The following SCAMP1 variants were observed in gnomAD, a reference collection of about 807,000 sequenced individuals.
The protein encoded by SCAMP1 is secretory carrier-associated membrane protein 1.
SCAMP1 carries 15 observed loss-of-function variants against 41.8 expected under a neutral mutation model. The ratio of observed to expected loss-of-function variants is 0.36; its 90% CI spans 0.24 to 0.55. The LOEUF (loss-of-function observed/expected upper bound fraction) is 0.55. Ranked by LOEUF, SCAMP1 falls within the 20% of genes least tolerant of loss-of-function variation. The probability of loss-of-function intolerance (pLI) is 0.86; values close to 1 mark genes in which losing one functional copy is unlikely to be tolerated. For synonymous variants in SCAMP1, 135 were observed against 136.8 expected, an observed-to-expected ratio of 0.99 and a Z score of 0.09; for missense variants, 341 against 412.6, an observed-to-expected ratio of 0.83 and a Z score of 1.50.
intron 2 of SCAMP1, among the ~76,000 whole-genome samples, chr5:78,398,356 T>C (rs1287164341): frequency 2.8e-4 from 2 of 7,080 alleles, no homozygotes; most frequent in Admixed American, 4.0e-3. Context: ...GGTTCACCTC[T>C]TTTTTTTTTT....
At chr5:78,393,335 T>A (rs1751565904) in intron 2 of SCAMP1, among the ~76,000 whole-genome samples, 1 of 152,084 alleles carries the variant, frequency 6.6e-6, no homozygotes, top group African/African-American at 2.4e-5. Flanking sequence ...CTCTACCACA[T>A]GTGGCTAATT....
At chr5:78,407,882 G>A (rs1751973178) in intron 2 of SCAMP1, among the ~76,000 whole-genome samples, 1 of 152,058 alleles carries the variant, frequency 6.6e-6, no homozygotes, top group African/African-American at 2.4e-5. Flanking sequence ...ATAGTCTCTT[G>A]TTAGTCAAAC....
intron 6 of SCAMP1, among the ~76,000 whole-genome samples, chr5:78,449,617 T>C (rs1036952030): frequency 2.0e-5 from 3 of 152,212 alleles, no homozygotes; most frequent in African/African-American, 7.2e-5. Context: ...ATTGTAATTC[T>C]ATGATGCTGT....
intron 1 of SCAMP1, among the ~76,000 whole-genome samples, chr5:78,387,780 A>G (rs1258409033): frequency 6.6e-6 from 1 of 152,124 alleles, no homozygotes; most frequent in Non-Finnish European, 1.5e-5. Flanking sequence ...GTTACTGGGG[A>G]CTGTCTGCAA....
chr5:78,476,643 A>G lies in SCAMP1; in HGVS notation c.*975A>G, dbSNP rs1457772283. 2.0e-5 allele frequency: 3 copies of G among 152,508 alleles called. No individual in the cohort carries two copies. Among genetic ancestry groups the G allele is most frequent in the Non-Finnish European group, 2.9e-5 (2 of 67,974 alleles). 9.4% of individuals were successfully genotyped at this position (152,508 alleles called of 1,614,324 possible). A position where few individuals can be genotyped will look rare whatever the true frequency, so the allele number is the denominator to read the frequency against. ...TTAAAGGCTAGCCTAACTGTTGTCTAAAAAGATTGTACAGTATTTAAGGGA... is the reference window on the plus strand; with the variant it reads ...TTAAAGGCTAGCCTAACTGTTGTCTGAAAAGATTGTACAGTATTTAAGGGA... On this transcript the variant is annotated 3_prime_UTR_variant, in exon 9 of 9. Coordinates refer to ENST00000621999, the MANE Select transcript of SCAMP1 (RefSeq NM_004866.6).
At chr5:78,368,208 G>A (rs569270180) in intron 1 of SCAMP1, among the ~76,000 whole-genome samples, 6 of 152,188 alleles carry the variant, frequency 3.9e-5, no homozygotes, top group African/African-American at 1.2e-4. Flanking sequence ...TGCCATGGTC[G>A]GTATTCTTCA....
chr5:78,433,306 C>A (rs1019513709), intron 6 of SCAMP1, among the ~76,000 whole-genome samples: 1 of 151,818 alleles, frequency 6.6e-6, no homozygotes, highest in African/African-American at 2.4e-5. Flanking sequence ...CTCATAATTT[C>A]TTGTTAAAAA....
intron 7 of SCAMP1, among the ~76,000 whole-genome samples, chr5:78,458,708 C>T (rs895176563): frequency 2.6e-5 from 4 of 152,172 alleles, no homozygotes; most frequent in Non-Finnish European, 4.4e-5. Context: ...GGTGAAACCC[C>T]GTCTCTACTA....
intron 2 of SCAMP1, among the ~76,000 whole-genome samples, chr5:78,394,635 C>T (rs576333160): frequency 6.6e-6 from 1 of 152,268 alleles, no homozygotes; most frequent in East Asian, 1.9e-4. Context: ...ACTGCCAAAG[C>T]ATTCTGTATA....
At chr5:78,384,486 A>G (rs1751293844) in intron 1 of SCAMP1, among the ~76,000 whole-genome samples, 1 of 152,018 alleles carries the variant, frequency 6.6e-6, no homozygotes, top group African/African-American at 2.4e-5. Flanking sequence ...GACTTCCAGT[A>G]CGGTGTAGAA....
intron 6 of SCAMP1, among the ~76,000 whole-genome samples, chr5:78,423,412 C>T (rs1247810742): frequency 6.6e-6 from 1 of 152,104 alleles, no homozygotes; most frequent in Non-Finnish European, 1.5e-5. Context: ...GCTCACAAGG[C>T]TTTTTCTGTT....
At chr5:78,374,936 G>GA (rs1751029746) in intron 1 of SCAMP1, among the ~76,000 whole-genome samples, 1 of 152,048 alleles carries the variant, frequency 6.6e-6, no homozygotes, top group Non-Finnish European at 1.5e-5. Flanking sequence ...AAATACACTT[G>GA]TCTTAGAGTC....
At chr5:78,448,996 G>A (rs1397287312) in intron 6 of SCAMP1, among the ~76,000 whole-genome samples, 13 of 115,498 alleles carry the variant, frequency 1.1e-4, no homozygotes, top group African/African-American at 3.1e-4. Context: ...GCAAAACTCC[G>A]TCTCAAAAAA....
intron 1 of SCAMP1, among the ~76,000 whole-genome samples, chr5:78,368,354 CATATG>C (rs35225254): frequency 0.19 from 28,176 of 152,016 alleles, 3,198 homozygotes; most frequent in Admixed American, 0.34. Flanking sequence ...GCTTTACAGT[CATATG>C]AGATGATGGT....
intron 4 of SCAMP1, among the ~76,000 whole-genome samples, chr5:78,417,764 A>G (rs1234228928): frequency 3.3e-5 from 5 of 152,178 alleles, no homozygotes; most frequent in Admixed American, 2.6e-4. Context: ...CTTTACGAGT[A>G]TTCACTGCCG....
At position 78,398,466 on chromosome 5, in the gene SCAMP1, G is replaced by A. The variant is rs1414505723; in HGVS notation, c.135+9552G>A. ...TGTGACCTCAAACTCCTGGGCTCAA[G>A]CAATCTTCCCACCTTGGCCTCCCAA... On this transcript the variant is annotated intron_variant, in intron 2 of 8. Coordinates refer to ENST00000621999, the MANE Select transcript of SCAMP1 (RefSeq NM_004866.6). Among the ~76,000 whole-genome samples the A allele has an allele frequency of 2.2e-5, 3 of 138,522 alleles. No homozygotes were observed. The East Asian group carries it at 6.6e-4, about 30-fold the overall frequency. 90.9% of individuals were successfully genotyped at this position (138,522 alleles called of 152,430 possible).
At chr5:78,375,121 C>G (rs958792225) in intron 1 of SCAMP1, among the ~76,000 whole-genome samples, 1 of 151,996 alleles carries the variant, frequency 6.6e-6, no homozygotes, top group African/African-American at 2.4e-5. Context: ...GGGAGGGCCT[C>G]TCAGCTTGGG....
At chr5:78,387,425 G>A (rs933161597) in intron 1 of SCAMP1, among the ~76,000 whole-genome samples, 20 of 148,316 alleles carry the variant, frequency 1.3e-4, no homozygotes, top group Admixed American at 7.4e-4. Context: ...CTCCTTGATC[G>A]GCTTAAAAGT....
At chr5:78,398,355 CTTTTTT>C (rs1197381285) in intron 2 of SCAMP1, among the ~76,000 whole-genome samples, 15 of 57,484 alleles carry the variant, frequency 2.6e-4, no homozygotes, top group South Asian at 9.4e-4. Flanking sequence ...GGGTTCACCT[CTTTTTT>C]TTTTTTTTTT....
Sources: allele counts gnomAD v4.1 joint callset (sites outside exome capture counted in the v4.1 genomes callset), GRCh38; gene constraint gnomAD v4.1.1; transcripts MANE v1.5; gene names NCBI Gene and HGNC (gene_info 2026-07-23, HGNC 2026-07-21).